TNRC6B: variants seen among roughly 807,000 people sequenced by gnomAD.
TNRC6B encodes trinucleotide repeat containing adaptor 6B, also known as trinucleotide repeat-containing gene 6B protein.
In TNRC6B, 52 loss-of-function variants were observed where a neutral mutation model predicts 203.6. The ratio of observed to expected loss-of-function variants is 0.26; its 90% CI spans 0.20 to 0.32. The LOEUF (loss-of-function observed/expected upper bound fraction) is 0.32, where lower values mean the gene tolerates loss of function less well. Ranked by LOEUF, TNRC6B falls within the 10% of genes least tolerant of loss-of-function variation. TNRC6B has a pLI of 1.00. For missense variants in TNRC6B, 1,923 were observed against 2,286.2 expected, an observed-to-expected ratio of 0.84 and a Z score of 3.24; for synonymous variants, 838 against 845.7, an observed-to-expected ratio of 0.99 and a Z score of 0.16.
intron 3 of TNRC6B, among the ~76,000 whole-genome samples, chr22:40,131,223 A>G (rs2068542399): frequency 6.6e-6 from 1 of 152,070 alleles, no homozygotes; most frequent in Admixed American, 6.6e-5. Flanking sequence ...CCAGCGCGGT[A>G]TAGAAGTCTT....
chr22:40,121,345 C>T lies in TNRC6B; in HGVS notation c.-47+4217C>T, dbSNP rs151144699. 4.3e-3 allele frequency among the ~76,000 whole-genome samples: 654 copies of T among 152,130 alleles called. 7 individuals carry two copies. The highest frequency in any genetic ancestry group is 0.015 in the African/African-American group (616 of 41,524). Reference sequence around the variant, plus strand: ...CACAAGCAATTTAAAGGAAAAACTTCACTGGTTTTGTAATGCATGTGTGCT... The same window carrying T: ...CACAAGCAATTTAAAGGAAAAACTTTACTGGTTTTGTAATGCATGTGTGCT... On this transcript the variant is annotated intron_variant, in intron 2 of 23. Transcript: ENST00000301923.
At chr22:40,114,113 T>C (rs1279308585) in intron 1 of TNRC6B, among the ~76,000 whole-genome samples, 1 of 152,094 alleles carries the variant, frequency 6.6e-6, no homozygotes, top group Non-Finnish European at 1.5e-5. Flanking sequence ...AAATGAGAAT[T>C]TAAATGTAAA....
intron 1 of TNRC6B, among the ~76,000 whole-genome samples, chr22:40,112,616 T>C (rs542951891): frequency 1.3e-5 from 2 of 152,332 alleles, no homozygotes; most frequent in Admixed American, 1.3e-4. Context: ...CAGGTGGTTC[T>C]GCTTCGGATT....
intron 12 of TNRC6B, among the ~76,000 whole-genome samples, chr22:40,287,223 G>A (rs2070798015): frequency 6.6e-6 from 1 of 152,100 alleles, no homozygotes; most frequent in African/African-American, 2.4e-5. Flanking sequence ...TGCCCAGGCT[G>A]GTCTCAAGCT....
At chr22:40,189,550 G>A (rs997816302) in intron 1 of TNRC6B, among the ~76,000 whole-genome samples, 1 of 151,788 alleles carries the variant, frequency 6.6e-6, no homozygotes, top group Non-Finnish European at 1.5e-5. Context: ...AATTAAACTG[G>A]CCTTTCCTTG....
chr22:40,181,901 G>A (rs1189907094), intron 1 of TNRC6B, among the ~76,000 whole-genome samples: 2 of 149,836 alleles, frequency 1.3e-5, no homozygotes, highest in African/African-American at 5.0e-5. Context: ...AGCCAAGATC[G>A]TGCCACTGCA....
In TNRC6B at chr22:40,265,120, C is replaced by T. The variant is rs759765630; in HGVS notation, c.890C>T (p.Ser297Phe). ...GGTCAGGATAGAATTGGACCTGGCT[C>T]TGGCTTCAGCAACTTTAACCCAAAT... ...VSGQDRIGPG[S>F]GFSNFNPNSN... Residue 297 changes from serine (S) to phenylalanine (F), a missense_variant, in exon 5 of 23, where the codon TCT becomes TTT. Ser to Phe is a radical substitution (Grantham distance 155). This residue lies in a region of TNRC6B where 614 missense variants were observed against 587.7 expected (regional missense o/e 1.04). Transcript: ENST00000454349. 138 of 1,613,990 alleles carry T rather than the reference C, an allele frequency of 8.6e-5. No individual in the cohort carries two copies. The Middle Eastern group carries it at 9.9e-4, about 12-fold the overall frequency.
intron 1 of TNRC6B, among the ~76,000 whole-genome samples, chr22:40,190,061 T>C (rs969291073): frequency 6.6e-6 from 1 of 152,240 alleles, no homozygotes; most frequent in South Asian, 2.1e-4. Flanking sequence ...ATCCTAATTA[T>C]AGACCATCTC....
chr22:40,321,957 C>T (rs533296006), intron 22 of TNRC6B, among the ~76,000 whole-genome samples: 74 of 152,262 alleles, frequency 4.9e-4, no homozygotes, highest in Non-Finnish European at 9.7e-4. Flanking sequence ...CCCTTCCCTG[C>T]CACTGTCAAA....
chr22:40,171,247 C>T (rs57259665), intron 4 of TNRC6B, among the ~76,000 whole-genome samples: 40,917 of 148,946 alleles, frequency 0.27, 6,357 homozygotes, highest in African/African-American at 0.41. Flanking sequence ...CTGCAACCTC[C>T]GCTTCCCGGA....
rs1248463351 is a variant in TNRC6B at position 40,266,759 on chromosome 22, A to G, written c.2529A>G (p.Pro843=). Residue 843 remains proline, a synonymous_variant, in exon 5 of 23, where the codon CCA becomes CCG. Transcript: ENST00000454349. ...QPEASGSWGG[P]PPPPPGNVRP... is the part of the protein sequence containing the mutation. The stretch of plus-strand genomic sequence containing the variant: ...AGGCTTCTGGTTCGTGGGGAGGCCC[A>G]CCCCCACCACCTCCAGGCAACGTTC... 1 of 1,613,450 alleles carries G rather than the reference A, an allele frequency of 6.2e-7. No homozygotes were observed. Among genetic ancestry groups the G allele is most frequent in the South Asian group, 1.1e-5 (1 of 91,006 alleles).
At chr22:40,113,297 T>C (rs1480707054) in intron 1 of TNRC6B, among the ~76,000 whole-genome samples, 1 of 152,224 alleles carries the variant, frequency 6.6e-6, no homozygotes, top group Non-Finnish European at 1.5e-5. Flanking sequence ...CTTGGAATGA[T>C]GGTAAATCTC....
Position 40,323,445 on chromosome 22 carries a change from A to G in TNRC6B, c.*204A>G, listed in dbSNP as rs918177405. 9 of 548,620 alleles carry G rather than the reference A, an allele frequency of 1.6e-5. No homozygotes were observed. The highest frequency in any genetic ancestry group is 5.8e-5 in the African/African-American group (3 of 51,466). 34.0% of individuals were successfully genotyped at this position (548,620 alleles called of 1,614,324 possible). ...TAACTTCAGTTTTTTCGTTTGGAAT[A>G]TGAATCCAAAAAGAGAACATATCAC... is the stretch of plus-strand genomic sequence containing the variant. On this transcript the variant is annotated 3_prime_UTR_variant, in exon 23 of 23. Transcript: ENST00000454349.
At chr22:40,321,495 C>T (rs1569069874) in intron 22 of TNRC6B, 1 of 391,466 alleles carries the variant, frequency 2.6e-6, no homozygotes, top group Admixed American at 3.7e-5. Flanking sequence ...TTCTAAGTAA[C>T]ATAAAGCTAG....
chr22:40,185,490 G>A (rs1445480811), intron 1 of TNRC6B, among the ~76,000 whole-genome samples: 2 of 152,208 alleles, frequency 1.3e-5, no homozygotes, highest in African/African-American at 4.8e-5. Flanking sequence ...TTTTAACTGT[G>A]TTGATCAGAG....
chr22:40,095,642 C>T (rs2068181390), intron 1 of TNRC6B, among the ~76,000 whole-genome samples: 1 of 151,048 alleles, frequency 6.6e-6, no homozygotes, highest in Admixed American at 6.6e-5. Context: ...TGACTGAGCC[C>T]ACAGCCTAAC....
intron 1 of TNRC6B, among the ~76,000 whole-genome samples, chr22:40,244,667 A>C (rs1227239519): frequency 1.3e-5 from 2 of 152,056 alleles, no homozygotes; most frequent in Non-Finnish European, 2.9e-5. Context: ...CTCACTTGTA[A>C]CTCAGCCTTA....
chr22:40,257,307 T>C (rs1030874558), intron 3 of TNRC6B, among the ~76,000 whole-genome samples: 3 of 152,166 alleles, frequency 2.0e-5, no homozygotes, highest in African/African-American at 7.2e-5. Flanking sequence ...ATTGGAGTTT[T>C]CAGAAATAGG....
intron 12 of TNRC6B, among the ~76,000 whole-genome samples, chr22:40,291,077 C>T (rs542692140): frequency 1.3e-4 from 20 of 152,256 alleles, no homozygotes; most frequent in Non-Finnish European, 1.8e-4. Context: ...AAAAATGAAG[C>T]AGTTGGGTAA....
Sources: gnomAD v4.1 joint callset for allele counts (sites outside exome capture counted in the v4.1 genomes callset) on GRCh38, gnomAD v4.1.1 for gene constraint, gnomAD v4.1.1 regional missense constraint, MANE v1.5 for transcripts, NCBI Gene and HGNC (gene_info 2026-07-23, HGNC 2026-07-21) for gene names.